Variants in NCOA7 observed in about 807,000 individuals in gnomAD.
NCOA7 encodes nuclear receptor coactivator 7, also known as 140 kDa estrogen receptor-associated protein.
NCOA7 carries 45 observed loss-of-function variants against 104.3 expected under a neutral mutation model. That is an observed-to-expected ratio of 0.43 (90% CI 0.34 to 0.55). The LOEUF (loss-of-function observed/expected upper bound fraction) is 0.55, where lower values mean the gene tolerates loss of function less well. NCOA7 is among the 20% of genes least tolerant of loss of function. The probability of loss-of-function intolerance (pLI) is 0.02; values close to 1 mark genes in which losing one functional copy is unlikely to be tolerated. For missense variants in NCOA7, 1,041 were observed against 1,119.7 expected (o/e 0.93, Z 1.00); for synonymous variants, 398 against 402.3 (o/e 0.99, Z 0.13).
intron 13 of NCOA7, 110 bp downstream of exon 13, chr6:125,922,944 G>T: frequency 9.7e-7 from 1 of 1,030,794 alleles, no homozygotes; most frequent in African/African-American, 1.6e-5. Flanking sequence ...ACAGTTAACA[G>T]GATTTTGCCT....
intron 1 of NCOA7, among the ~76,000 whole-genome samples, chr6:125,806,578 A>G (rs1776474721): frequency 6.6e-6 from 1 of 152,064 alleles, no homozygotes; most frequent in South Asian, 2.1e-4. Context: ...TGGTTGTGGT[A>G]CCCTTTCCTG....
In NCOA7 at chr6:125,928,981, G is replaced by A. The variant is rs1200644126; in HGVS notation, c.*210G>A. 2 of 477,922 alleles carry A rather than the reference G, an allele frequency of 4.2e-6. No individual in the cohort carries two copies. Among genetic ancestry groups the A allele is most frequent in the Non-Finnish European group, 7.1e-6 (2 of 283,206 alleles). 29.6% of individuals were successfully genotyped at this position (477,922 alleles called of 1,614,324 possible). ...ATTGAAGAAAGAAACTTAAAATCCA[G>A]GTTGTTGAAAAGACTTTGTACTCCC... On this transcript the variant is annotated 3_prime_UTR_variant, in exon 16 of 16. Transcript: ENST00000392477.
Position 125,929,676 on chromosome 6 carries a change from C to T in NCOA7, c.*905C>T, listed in dbSNP as rs979985330. ...GTGTGAAAAAGAATACATCATTTCT[C>T]ACAGTCTTAAGTTGATATTTATAGA... is the stretch of plus-strand genomic sequence containing the variant. On this transcript the variant is annotated 3_prime_UTR_variant, in exon 16 of 16. Coordinates refer to ENST00000392477, the MANE Select transcript of NCOA7 (RefSeq NM_181782.5). The T allele has an allele frequency of 6.6e-6, 1 of 152,092 alleles. No individual in the cohort carries two copies. Among genetic ancestry groups the T allele is most frequent in the African/African-American group, 2.4e-5 (1 of 41,416 alleles). The allele number at this position is 152,092 out of a possible 1,614,324, so 9.4% of individuals were successfully genotyped here.
In NCOA7 at chr6:125,889,998, T is replaced by C. The variant is rs770089489; in HGVS notation, c.1927+17T>C. 2.3e-4 allele frequency: 337 copies of C among 1,487,428 alleles called. 1 individual carries two copies. Among genetic ancestry groups the C allele is most frequent in the Non-Finnish European group, 2.9e-4 (321 of 1,122,444 alleles). The allele number at this position is 1,487,428 out of a possible 1,614,324, so 92.1% of individuals were successfully genotyped here. A position where few individuals can be genotyped will look rare whatever the true frequency, so the allele number is the denominator to read the frequency against. ...CCATTGAAGGTAAGCTGTTTTTCTT[T>C]AATGCCTTTATATTCTGTTGCATAA... On this transcript the variant is annotated intron_variant, in intron 9 of 15. Coordinates refer to ENST00000392477, the MANE Select transcript of NCOA7 (RefSeq NM_181782.5).
chr6:125,914,512 A>G (rs1034420337), intron 10 of NCOA7, among the ~76,000 whole-genome samples: 2 of 152,228 alleles, frequency 1.3e-5, no homozygotes, highest in Admixed American at 1.3e-4. Context: ...GTAATTATAA[A>G]TTTTAAAAAT....
At chr6:125,922,181 A>T (rs1249603452) in intron 12 of NCOA7, among the ~76,000 whole-genome samples, 1 of 152,220 alleles carries the variant, frequency 6.6e-6, no homozygotes, top group Non-Finnish European at 1.5e-5. Flanking sequence ...TTAAATATTG[A>T]TGCAGGTAAA....
chr6:125,885,120 C>G (rs1289836097), intron 7 of NCOA7, 39 bp from the exon 8 acceptor site: 2 of 1,603,634 alleles, frequency 1.2e-6, no homozygotes, highest in Non-Finnish European at 1.7e-6. Context: ...GAAAGCATTT[C>G]TGCCTGAAGT....
chr6:125,866,731 A>G (rs1583415113), intron 3 of NCOA7, among the ~76,000 whole-genome samples: 1 of 152,176 alleles, frequency 6.6e-6, no homozygotes, highest in African/African-American at 2.4e-5. Flanking sequence ...CCTCTCATTT[A>G]TAATGGTGCT....
At chr6:125,793,341 C>T (rs1775021855) in intron 1 of NCOA7, among the ~76,000 whole-genome samples, 1 of 152,116 alleles carries the variant, frequency 6.6e-6, no homozygotes, top group African/African-American at 2.4e-5. Flanking sequence ...CTCTCTTTAC[C>T]TTGTTACTTA....
intron 10 of NCOA7, among the ~76,000 whole-genome samples, chr6:125,895,784 A>G (rs1784952513): frequency 1.3e-5 from 2 of 152,126 alleles, no homozygotes. Flanking sequence ...TTAAGCACCC[A>G]GATCTCGGGA....
rs376625119 is a variant in NCOA7, at chr6:125,799,479, G to A, written c.-65+8412G>A. On this transcript the variant is annotated intron_variant, in intron 1 of 15. Coordinates refer to ENST00000392477, the MANE Select transcript of NCOA7 (RefSeq NM_181782.5). Reference sequence around the variant, plus strand: ...TTTTTTGATAGAATCTCGCTCTGTCGCCCAGGCTGGAATGCAGTGGCGCTA... The same window carrying A: ...TTTTTTGATAGAATCTCGCTCTGTCACCCAGGCTGGAATGCAGTGGCGCTA... Among the ~76,000 whole-genome samples, 472 of 146,536 alleles carry A rather than the reference G, an allele frequency of 3.2e-3. 3 individuals carry two copies. The highest frequency in any genetic ancestry group is 0.011 in the African/African-American group (452 of 39,590).
chr6:125,820,617 G>T (rs974201382), intron 2 of NCOA7, among the ~76,000 whole-genome samples: 2 of 151,834 alleles, frequency 1.3e-5, no homozygotes, highest in East Asian at 1.9e-4. Flanking sequence ...AAGATTGAGG[G>T]TAATATACGA....
Position 125,922,727 on chromosome 6 carries a change from C to T in NCOA7, c.2416C>T (p.Leu806=). The T allele has an allele frequency of 6.2e-7, 1 of 1,613,988 alleles. No homozygotes were observed. Among genetic ancestry groups the T allele is most frequent in the South Asian group, 1.1e-5 (1 of 91,070 alleles). The change falls in exon 13 of 16, where the codon CTG becomes TTG. Residue 806 remains leucine, a synonymous_variant. Transcript: ENST00000392477. ...AAGGGTGCAAGGGTATCCATGGAGACTGGCCTATAGCACGTTAGAGCACGG... is the reference window on the plus strand; with the variant it reads ...AAGGGTGCAAGGGTATCCATGGAGATTGGCCTATAGCACGTTAGAGCACGG... ...PARVQGYPWR[L]AYSTLEHGTS... is the part of the protein sequence containing the mutation.
chr6:125,782,178 T>C (rs1333605512), intron 1 of NCOA7, among the ~76,000 whole-genome samples: 2 of 152,254 alleles, frequency 1.3e-5, no homozygotes, highest in Non-Finnish European at 2.9e-5. Flanking sequence ...TTAATTTTGC[T>C]TTCTTTTTAC....
upstream of NCOA7, among the ~76,000 whole-genome samples, chr6:125,789,586 G>T (rs549711608): frequency 6.6e-6 from 1 of 151,748 alleles, no homozygotes; most frequent in South Asian, 2.1e-4. Flanking sequence ...TAACACAATG[G>T]CTACAGAAAA....
At chr6:125,911,683 T>C (rs1185937418) in intron 10 of NCOA7, among the ~76,000 whole-genome samples, 3 of 152,198 alleles carry the variant, frequency 2.0e-5, no homozygotes. Flanking sequence ...GTCTCTTTTA[T>C]TCAGGGTAGA....
At chr6:125,847,650 A>G (rs1290517765) in intron 2 of NCOA7, among the ~76,000 whole-genome samples, 1 of 152,222 alleles carries the variant, frequency 6.6e-6, no homozygotes, top group East Asian at 1.9e-4. Context: ...TACAAAAATT[A>G]ATTCAAGGTG....
At chr6:125,822,259 CA>C (rs1778260850) in intron 2 of NCOA7, among the ~76,000 whole-genome samples, 1 of 152,148 alleles carries the variant, frequency 6.6e-6, no homozygotes, top group Non-Finnish European at 1.5e-5. Flanking sequence ...ACATAAAACG[CA>C]AATAGAACAG....
intron 10 of NCOA7, among the ~76,000 whole-genome samples, chr6:125,912,745 A>G (rs1786695125): frequency 6.6e-6 from 1 of 152,220 alleles, no homozygotes; most frequent in African/African-American, 2.4e-5. Flanking sequence ...GACACATTCC[A>G]AAGGACTATG....
Sources: allele counts gnomAD v4.1 joint callset (sites outside exome capture counted in the v4.1 genomes callset), GRCh38; gene constraint gnomAD v4.1.1; transcripts MANE v1.5; gene names NCBI Gene and HGNC (gene_info 2026-07-23, HGNC 2026-07-21).